Variants in ABCE1 observed in about 807,000 individuals in gnomAD.
ABCE1 encodes the protein ATP binding cassette subfamily E member 1.
In ABCE1, 22 loss-of-function variants were observed where a neutral mutation model predicts 83.4. The ratio of observed to expected loss-of-function variants is 0.26; its 90% confidence interval spans 0.19 to 0.38. ABCE1 has a LOEUF of 0.38. Among genes scored for constraint, ABCE1 ranks in the 10% least tolerant of loss-of-function variants. The pLI, the probability that ABCE1 is intolerant of heterozygous loss-of-function variation, is 1.00. For missense variants in ABCE1, 330 were observed against 721.9 expected, an observed-to-expected ratio of 0.46 and a Z score of 6.22; for synonymous variants, 204 against 233.7, an observed-to-expected ratio of 0.87 and a Z score of 1.16.
chr4:145,116,830 A>AT (rs1749620451), intron 9 of ABCE1, among the ~76,000 whole-genome samples: 1 of 151,848 alleles, frequency 6.6e-6, no homozygotes, highest in African/African-American at 2.4e-5. Flanking sequence ...TTACCATTTC[A>AT]TACCTATTCC....
intron 9 of ABCE1, among the ~76,000 whole-genome samples, chr4:145,115,188 C>A (rs1055007463): frequency 2.6e-5 from 4 of 151,900 alleles, no homozygotes; most frequent in African/African-American, 7.2e-5. Flanking sequence ...TGACCTAAAT[C>A]ATGTTTATAT....
At position 145,128,839 on chromosome 4, in the gene ABCE1, GTA is replaced by G. The variant is rs1345211826; in HGVS notation, c.*1268_*1269del. ...TTAATATGCAAATAATGGCTAGAAA[GTA>G]TGGTTTAACTGGACCCTATTATGCC... On this transcript the variant is annotated 3_prime_UTR_variant, in exon 18 of 18. Transcript: ENST00000296577. The G allele has an allele frequency of 6.6e-6, 1 of 152,170 alleles. No individual in the cohort carries two copies. Among genetic ancestry groups the G allele is most frequent in the Non-Finnish European group, 1.5e-5 (1 of 68,022 alleles). The allele number at this position is 152,170 out of a possible 1,614,324, so 9.4% of individuals were successfully genotyped here.
intron 8 of ABCE1, among the ~76,000 whole-genome samples, chr4:145,111,654 T>G (rs188825361): frequency 5.3e-5 from 8 of 152,292 alleles, no homozygotes; most frequent in African/African-American, 1.9e-4. Flanking sequence ...TGAAAAGACT[T>G]AAGCTCTCCA....
intron 16 of ABCE1, chr4:145,123,806 GATAAAAAGCTGTAGGCCACAGC>G (rs906704955): frequency 7.1e-5 from 27 of 381,872 alleles, no homozygotes; most frequent in Admixed American, 1.9e-4. Flanking sequence ...TCACCAGGAA[GATAAAAAGCTGTAGGCCACAGC>G]ATAAAAAGCT....
chr4:145,121,556 T>G (rs1749744774), intron 13 of ABCE1, 165 bp downstream of exon 13: 1 of 588,252 alleles, frequency 1.7e-6, no homozygotes, highest in South Asian at 2.2e-5. Context: ...TCATATCCAC[T>G]GCTAAGAAAG....
chr4:145,114,329 A>G (rs1322174986), intron 9 of ABCE1, among the ~76,000 whole-genome samples: 1 of 152,146 alleles, frequency 6.6e-6, no homozygotes, highest in Non-Finnish European at 1.5e-5. Context: ...AGGAATACAC[A>G]AAGTCAGGTC....
At chr4:145,114,370 A>C (rs1297645855) in intron 9 of ABCE1, among the ~76,000 whole-genome samples, 2 of 152,118 alleles carry the variant, frequency 1.3e-5, no homozygotes, top group Non-Finnish European at 1.5e-5. Flanking sequence ...ACTTTTTATA[A>C]AAAGTATTTT....
chr4:145,110,506 G>A (rs760201877), intron 7 of ABCE1, 62 bp downstream of exon 7: 91 of 1,520,778 alleles, frequency 6.0e-5, no homozygotes, highest in Non-Finnish European at 7.6e-5. Context: ...ACGGAGTTTC[G>A]CTCTTGTTGC....
chr4:145,113,493 T>C (rs1467648452), intron 9 of ABCE1, among the ~76,000 whole-genome samples: 1 of 152,172 alleles, frequency 6.6e-6, no homozygotes, highest in African/African-American at 2.4e-5. Context: ...CGAACCAATA[T>C]GCTTTCAACC....
chr4:145,101,015 A>G (rs1332097525), intron 1 of ABCE1, among the ~76,000 whole-genome samples: 3 of 152,100 alleles, frequency 2.0e-5, no homozygotes, highest in South Asian at 2.1e-4. Flanking sequence ...TAGAGAGACA[A>G]TATACATACA....
At chr4:145,121,414 G>A (rs1038766678) in intron 13 of ABCE1, 23 bp downstream of exon 13, 1 of 1,577,750 alleles carries the variant, frequency 6.3e-7, no homozygotes, top group Non-Finnish European at 8.7e-7. Context: ...TTTTTATATG[G>A]TTACTAAAGA....
intron 9 of ABCE1, 40 bp from the exon 10 acceptor site, chr4:145,117,249 ATAGT>A: frequency 6.5e-7 from 1 of 1,526,920 alleles, no homozygotes; most frequent in Admixed American, 1.9e-5. Context: ...ACTATTAAAA[ATAGT>A]TATGTAAGAG....
At chr4:145,104,548 A>G (rs2126699687) in intron 2 of ABCE1, 33 bp downstream of exon 2, 1 of 1,399,912 alleles carries the variant, frequency 7.1e-7, no homozygotes, top group Non-Finnish European at 9.7e-7. Context: ...TAAGTATAAA[A>G]GAAAACCATG....
intron 9 of ABCE1, among the ~76,000 whole-genome samples, chr4:145,114,330 A>C (rs1316701388): frequency 6.6e-6 from 1 of 152,118 alleles, no homozygotes; most frequent in Non-Finnish European, 1.5e-5. Flanking sequence ...GGAATACACA[A>C]AGTCAGGTCA....
intron 4 of ABCE1, among the ~76,000 whole-genome samples, chr4:145,108,627 T>C (rs1749376494): frequency 6.6e-6 from 1 of 152,174 alleles, no homozygotes; most frequent in Admixed American, 6.5e-5. Context: ...AGATTTTTAC[T>C]AATAAAAAAG....
At chr4:145,112,545 C>T (rs1256754933) in intron 9 of ABCE1, among the ~76,000 whole-genome samples, 1 of 152,138 alleles carries the variant, frequency 6.6e-6, no homozygotes, top group African/African-American at 2.4e-5. Flanking sequence ...TAGGAATATT[C>T]TGAAATTATA....
In ABCE1 at chr4:145,105,672, T is replaced by C; in HGVS notation, c.171T>C (p.Gly57=). The C allele has an allele frequency of 1.2e-6, 2 of 1,604,650 alleles. No homozygotes were observed. Among genetic ancestry groups the C allele is most frequent in the Non-Finnish European group, 1.7e-6 (2 of 1,172,990 alleles). ...GGATTTCCGAAACTCTTTGTATTGG[T>C]TGTGGTATCTGTATTAAGGTAAGTA... ...IAWISETLCI[G]CGICIKKCPF... Residue 57 remains glycine (G), a synonymous_variant, in exon 3 of 18, where the codon GGT becomes GGC. Coordinates refer to ENST00000296577, the MANE Select transcript of ABCE1 (RefSeq NM_002940.3).
Position 145,104,406 on chromosome 4 carries a change from C to A in ABCE1, c.-7C>A, listed in dbSNP as rs756422359. The A allele has an allele frequency of 1.3e-6, 2 of 1,579,572 alleles. No individual in the cohort carries two copies. The highest frequency in any genetic ancestry group is 1.2e-5 in the South Asian group (1 of 86,438). On this transcript the variant is annotated 5_prime_UTR_variant, in exon 2 of 18. Transcript: ENST00000296577. ...CATAGAAGAGCTGGATATTCTTTCGCCCAGTTATGGCAGACAAGTTAACGA... is the reference window on the plus strand; with the variant it reads ...CATAGAAGAGCTGGATATTCTTTCGACCAGTTATGGCAGACAAGTTAACGA...
chr4:145,127,673 T>C lies in ABCE1; in HGVS notation c.*100T>C, dbSNP rs1254873552. ...AATCAGGATTTTATGCCCCACATAC[T>C]CTGGAACTTGAAGTATAATATACTT... On this transcript the variant is annotated 3_prime_UTR_variant, in exon 18 of 18. Coordinates refer to ENST00000296577, the MANE Select transcript of ABCE1 (RefSeq NM_002940.3). 5.7e-6 allele frequency: 5 copies of C among 876,596 alleles called. No homozygotes were observed. The highest frequency in any genetic ancestry group is 8.5e-6 in the Non-Finnish European group (5 of 589,742). The allele number at this position is 876,596 out of a possible 1,614,324, so 54.3% of individuals were successfully genotyped here.
Sources: gnomAD v4.1 joint callset for allele counts (sites outside exome capture counted in the v4.1 genomes callset) on GRCh38, gnomAD v4.1.1 for gene constraint, MANE v1.5 for transcripts, NCBI Gene and HGNC (gene_info 2026-07-23, HGNC 2026-07-21) for gene names.